Variants in PLXNA4 observed in about 807,000 individuals in gnomAD.
PLXNA4 encodes the protein plexin-A4.
A neutral mutation model predicts 191.8 loss-of-function variants in PLXNA4; 44 were observed. The observed-to-expected ratio is 0.23, with a 90% CI of 0.18 to 0.29. The LOEUF is 0.29. Among genes scored for constraint, PLXNA4 ranks in the 10% least tolerant of loss-of-function variants. PLXNA4 has a pLI of 1.00. For missense variants in PLXNA4, 1,800 were observed against 2,488.8 expected, an observed-to-expected ratio of 0.72 and a Z score of 5.89; for synonymous variants, 1,082 against 1,009.5, an observed-to-expected ratio of 1.07 and a Z score of -1.36.
intron 4 of PLXNA4, among the ~76,000 whole-genome samples, chr7:132,278,793 A>G (rs890208499): frequency 3.9e-5 from 6 of 152,194 alleles, no homozygotes; most frequent in African/African-American, 1.2e-4. Context: ...TTGGAGAACC[A>G]TTGGAGTCTG....
intron 3 of PLXNA4, among the ~76,000 whole-genome samples, chr7:132,395,257 G>A (rs185438255): frequency 1.3e-5 from 2 of 152,340 alleles, no homozygotes; most frequent in Admixed American, 1.3e-4. Context: ...CAGGATGACA[G>A]GACCATGGGT....
intron 16 of PLXNA4, among the ~76,000 whole-genome samples, chr7:132,182,760 G>A (rs1421393744): frequency 2.6e-5 from 4 of 152,212 alleles, no homozygotes; most frequent in African/African-American, 9.7e-5. Flanking sequence ...AGTGCGAAAT[G>A]CTTTTGGACT....
At chr7:132,442,929 G>C (rs1795749879) in intron 3 of PLXNA4, among the ~76,000 whole-genome samples, 1 of 152,188 alleles carries the variant, frequency 6.6e-6, no homozygotes, top group Non-Finnish European at 1.5e-5. Context: ...CGTTTGATGG[G>C]ATGGCACCAG....
chr7:132,466,620 T>C, intron 3 of PLXNA4, among the ~76,000 whole-genome samples: 1 of 152,168 alleles, frequency 6.6e-6, no homozygotes, highest in East Asian at 1.9e-4. Flanking sequence ...GATGCAAGGA[T>C]GGAGGTGGGT....
intron 1 of PLXNA4, among the ~76,000 whole-genome samples, chr7:132,573,626 G>A (rs2116777872): frequency 1.4e-5 from 2 of 142,762 alleles, no homozygotes; most frequent in Middle Eastern, 3.7e-3. Flanking sequence ...GCAGGGAGTA[G>A]CAGCAGCAGG....
At chr7:132,217,824 T>G (rs1403729574) in intron 9 of PLXNA4, among the ~76,000 whole-genome samples, 1 of 147,186 alleles carries the variant, frequency 6.8e-6, no homozygotes, top group African/African-American at 2.5e-5. Flanking sequence ...TCTGGAGGAA[T>G]GGCAACCCAG....
At chr7:132,299,117 G>A (rs182503266) in intron 3 of PLXNA4, among the ~76,000 whole-genome samples, 24 of 152,282 alleles carry the variant, frequency 1.6e-4, no homozygotes, top group South Asian at 6.2e-4. Context: ...TGACCGCTGC[G>A]CAGTCAGTGC....
intron 20 of PLXNA4, among the ~76,000 whole-genome samples, chr7:132,176,348 C>T (rs1285223181): frequency 6.6e-6 from 1 of 152,234 alleles, no homozygotes; most frequent in African/African-American, 2.4e-5. Context: ...GAGCCTGCAC[C>T]AATGTGTGTG....
intron 8 of PLXNA4, among the ~76,000 whole-genome samples, chr7:132,224,837 C>T (rs2116963533): frequency 6.6e-6 from 1 of 152,312 alleles, no homozygotes; most frequent in African/African-American, 2.4e-5. Flanking sequence ...CTCACAGCTG[C>T]CATAAGCAGA....
chr7:132,291,051 C>T (rs371673593), intron 4 of PLXNA4, among the ~76,000 whole-genome samples: 53 of 152,314 alleles, frequency 3.5e-4, no homozygotes, highest in African/African-American at 7.2e-4. Flanking sequence ...CAGGTGCACA[C>T]GGAGGCTGGG....
chr7:132,151,516 GAGGAGGAGGAGAA>G lies in PLXNA4; in HGVS notation c.4661-2883_4661-2871del, dbSNP rs749299436. 8.9e-3 allele frequency among the ~76,000 whole-genome samples: 955 copies of G among 107,152 alleles called. 4 individuals are homozygous for G. The highest frequency in any genetic ancestry group is 0.012 in the Non-Finnish European group (617 of 53,308). 70.3% of individuals were successfully genotyped at this position (107,152 alleles called of 152,430 possible). ...AAGAAGGAGGAGGAGGAGGAGAAAG[GAGGAGGAGGAGAA>G]AGGAGGAGGAGGAGAAAGGAGGAGG... On this transcript the variant is annotated intron_variant, in intron 25 of 31. Coordinates refer to ENST00000321063, the MANE Select transcript of PLXNA4 (RefSeq NM_020911.2).
rs1015364410 is a variant in PLXNA4 at position 132,187,627 on chromosome 7, C to T, written c.2857-20G>A. On this transcript the variant is annotated intron_variant, in intron 14 of 31. Coordinates refer to ENST00000321063, the MANE Select transcript of PLXNA4 (RefSeq NM_020911.2). ...CAGTGTCTGTGTAGAAAGGATGTGGCCTGAGACACAACCAGGAAGGGGTGG... is the reference window on the plus strand; with the variant it reads ...CAGTGTCTGTGTAGAAAGGATGTGGTCTGAGACACAACCAGGAAGGGGTGG... The T allele has an allele frequency of 2.5e-6, 4 of 1,596,866 alleles. No individual in the cohort carries two copies. In the African/African-American group the frequency reaches 4.0e-5, roughly 16 times the overall value.
At chr7:132,286,057 C>A (rs999737999) in intron 4 of PLXNA4, among the ~76,000 whole-genome samples, 1 of 152,194 alleles carries the variant, frequency 6.6e-6, no homozygotes, top group African/African-American at 2.4e-5. Context: ...AAACTGACAT[C>A]TTTTTCTTCC....
intron 10 of PLXNA4, among the ~76,000 whole-genome samples, chr7:132,207,465 G>A (rs148763183): frequency 6.6e-6 from 1 of 152,146 alleles, no homozygotes; most frequent in South Asian, 2.1e-4. Flanking sequence ...CATTTTCCTA[G>A]AGCATTGGTC....
At chr7:132,274,261 A>AATATGT in intron 4 of PLXNA4, among the ~76,000 whole-genome samples, 1 of 151,212 alleles carries the variant, frequency 6.6e-6, no homozygotes, top group African/African-American at 2.4e-5. Context: ...TAATTACGCT[A>AATATGT]ATATGTATAT....
In PLXNA4 at chr7:132,502,810, G is replaced by A. The variant is rs117478647; in HGVS notation, c.1188+4696C>T. Reference sequence around the variant, plus strand: ...ATTGTTGGGAGAAGAAAAGTTGTGAGAAAGCCCTTGTTAACCATCAGGTAC... The same window carrying A: ...ATTGTTGGGAGAAGAAAAGTTGTGAAAAAGCCCTTGTTAACCATCAGGTAC... On this transcript the variant is annotated intron_variant, in intron 2 of 31. Transcript: ENST00000321063. Among the ~76,000 whole-genome samples, 839 of 152,270 alleles carry A rather than the reference G, an allele frequency of 5.5e-3. 9 individuals are homozygous for A. Among genetic ancestry groups the A allele is most frequent in the East Asian group, 0.031 (161 of 5,180 alleles).
rs763721395 is a variant in PLXNA4 at position 132,182,168 on chromosome 7, A to G, written c.3181T>C (p.Trp1061Arg). ...IVSGNTPIAVWGTHLDLIQNP... is the reference protein window; with the variant it reads ...IVSGNTPIAVRGTHLDLIQNP... ...TGTATGAGGTCCAGGTGGGTCCCCC[A>G]TACGGCGATGGGTGTGTTTCCACTG... The change falls in exon 17 of 32, where the codon TGG becomes CGG. Residue 1061 changes from tryptophan to arginine, a missense_variant. Trp to Arg is a moderately radical substitution (Grantham distance 101). Coordinates refer to ENST00000321063, the MANE Select transcript of PLXNA4 (RefSeq NM_020911.2). 107 of 1,614,178 alleles carry G rather than the reference A, an allele frequency of 6.6e-5. 1 individual carries two copies. The South Asian group carries it at 1.1e-3, about 17-fold the overall frequency.
chr7:132,141,271 C>T (rs1191427820), intron 29 of PLXNA4, among the ~76,000 whole-genome samples: 1 of 152,168 alleles, frequency 6.6e-6, no homozygotes, highest in East Asian at 1.9e-4. Flanking sequence ...TACTGTATGA[C>T]TTGGCAGAAG....
rs1353361955 is a variant in PLXNA4, at chr7:132,181,676, C to T, written c.3253-56G>A. ...GCAGTATCTCCACATACCCACAGCCCCAGTGCACATAGTGGGCCTCCCTGG... is the reference window on the plus strand; with the variant it reads ...GCAGTATCTCCACATACCCACAGCCTCAGTGCACATAGTGGGCCTCCCTGG... On this transcript the variant is annotated intron_variant, in intron 17 of 31. Coordinates refer to ENST00000321063, the MANE Select transcript of PLXNA4 (RefSeq NM_020911.2). 4 of 1,594,364 alleles carry T rather than the reference C, an allele frequency of 2.5e-6. No individual in the cohort carries two copies. The African/African-American group carries it at 5.4e-5, about 21-fold the overall frequency.
Sources: allele counts gnomAD v4.1 joint callset (sites outside exome capture counted in the v4.1 genomes callset), GRCh38; gene constraint gnomAD v4.1.1; transcripts MANE v1.5; gene names NCBI Gene and HGNC (gene_info 2026-07-23, HGNC 2026-07-21).